Variants in KCNB2 observed in about 807,000 individuals in gnomAD.
KCNB2 encodes delayed rectifier potassium channel protein.
A neutral mutation model predicts 61.5 loss-of-function variants in KCNB2; 15 were observed. The observed-to-expected ratio is 0.24, with a 90% CI of 0.16 to 0.38. KCNB2 has a LOEUF of 0.38. Ranked by LOEUF, KCNB2 falls within the 10% of genes least tolerant of loss-of-function variation. KCNB2 has a pLI of 1.00. For missense variants in KCNB2, 828 were observed against 1,125.2 expected, an observed-to-expected ratio of 0.74 and a Z score of 3.78; for synonymous variants, 457 against 446.0, an observed-to-expected ratio of 1.02 and a Z score of -0.31.
intron 2 of KCNB2, among the ~76,000 whole-genome samples, chr8:72,818,169 A>T (rs1449823379): frequency 6.6e-6 from 1 of 152,172 alleles, no homozygotes; most frequent in East Asian, 1.9e-4. Context: ...ATCCTCCAAC[A>T]ACAACAACAA....
chr8:72,564,220 G>A (rs1806587807), intron 1 of KCNB2, among the ~76,000 whole-genome samples: 6 of 152,104 alleles, frequency 3.9e-5, no homozygotes, highest in Admixed American at 3.3e-4. Context: ...CCTTACCAGT[G>A]ACTATGATAT....
chr8:72,752,865 C>G (rs1237860488), intron 2 of KCNB2, among the ~76,000 whole-genome samples: 1 of 152,178 alleles, frequency 6.6e-6, no homozygotes, highest in African/African-American at 2.4e-5. Context: ...TCAGGTTCTT[C>G]CAAGACACTG....
intron 2 of KCNB2, among the ~76,000 whole-genome samples, chr8:72,903,643 AGT>A (rs1806123796): frequency 6.6e-6 from 1 of 152,164 alleles, no homozygotes; most frequent in African/African-American, 2.4e-5. Flanking sequence ...CTGGCCAGAG[AGT>A]GAGGTTCAAG....
intron 2 of KCNB2, among the ~76,000 whole-genome samples, chr8:72,714,685 G>A (rs1038120921): frequency 3.9e-5 from 6 of 152,060 alleles, no homozygotes; most frequent in Non-Finnish European, 8.8e-5. Flanking sequence ...AGGAACAACC[G>A]GTACCAGCCA....
chr8:72,619,395 T>G (rs1161080145), intron 2 of KCNB2: 1 of 468,670 alleles, frequency 2.1e-6, no homozygotes, highest in African/African-American at 2.0e-5. Flanking sequence ...TCAAGTCATG[T>G]ATTACCAGGT....
chr8:72,710,312 C>A (rs890855572), intron 2 of KCNB2, among the ~76,000 whole-genome samples: 2 of 152,116 alleles, frequency 1.3e-5, no homozygotes, highest in Non-Finnish European at 2.9e-5. Context: ...TAATACTTTG[C>A]AATTCTACTT....
At chr8:72,633,164 G>A (rs1004818876) in intron 2 of KCNB2, among the ~76,000 whole-genome samples, 2 of 152,120 alleles carry the variant, frequency 1.3e-5, no homozygotes, top group African/African-American at 4.8e-5. Context: ...AGAGGAGCTG[G>A]TTTCTGCCAA....
At chr8:72,618,442 A>C in intron 2 of KCNB2, among the ~76,000 whole-genome samples, 1 of 152,340 alleles carries the variant, frequency 6.6e-6, no homozygotes, top group Admixed American at 6.5e-5. Flanking sequence ...ATAAACATAA[A>C]TTTTTATTAT....
chr8:72,806,234 T>C (rs1045451968), intron 2 of KCNB2, among the ~76,000 whole-genome samples: 2 of 151,500 alleles, frequency 1.3e-5, no homozygotes, highest in African/African-American at 4.9e-5. Flanking sequence ...GGTGCGTGCC[T>C]GTAATCCCAG....
chr8:72,714,806 A>G (rs1807398422), intron 2 of KCNB2, among the ~76,000 whole-genome samples: 1 of 152,164 alleles, frequency 6.6e-6, no homozygotes. Context: ...ATTCACACAT[A>G]ACAATACTAA....
chr8:72,844,188 C>T (rs188297777), intron 2 of KCNB2, among the ~76,000 whole-genome samples: 71 of 152,264 alleles, frequency 4.7e-4, no homozygotes, highest in Non-Finnish European at 1.3e-4. Flanking sequence ...ATTTCTCCTT[C>T]GCTTATGAAG....
intron 2 of KCNB2, among the ~76,000 whole-genome samples, chr8:72,656,070 C>T (rs1304195279): frequency 6.6e-6 from 1 of 152,136 alleles, no homozygotes; most frequent in Admixed American, 6.6e-5. Flanking sequence ...CATGCCAAAG[C>T]ACAGAGGCAA....
At chr8:72,623,880 C>T (rs1009938477) in intron 2 of KCNB2, among the ~76,000 whole-genome samples, 6 of 152,200 alleles carry the variant, frequency 3.9e-5, no homozygotes, top group African/African-American at 1.4e-4. Flanking sequence ...AAGACAGGCT[C>T]TCATTGGTAC....
At chr8:72,543,809 G>T (rs1020602278) in intron 1 of KCNB2, among the ~76,000 whole-genome samples, 1 of 152,148 alleles carries the variant, frequency 6.6e-6, no homozygotes, top group Non-Finnish European at 1.5e-5. Context: ...CACTCAAAAG[G>T]ATCATATTCC....
intron 2 of KCNB2, among the ~76,000 whole-genome samples, chr8:72,739,464 G>C (rs983079384): frequency 1.3e-5 from 2 of 151,946 alleles, no homozygotes; most frequent in Admixed American, 6.6e-5. Context: ...AAACAAATTG[G>C]AGGGCACAAA....
At chr8:72,653,734 A>G (rs1806246615) in intron 2 of KCNB2, among the ~76,000 whole-genome samples, 1 of 152,206 alleles carries the variant, frequency 6.6e-6, no homozygotes, top group Admixed American at 6.6e-5. Context: ...TCGTCATGAC[A>G]GAGACCATAT....
chr8:72,708,985 T>C (rs116583164), intron 2 of KCNB2, among the ~76,000 whole-genome samples: 1,711 of 152,306 alleles, frequency 0.011, 33 homozygotes, highest in African/African-American at 0.039. Context: ...AACATGTAAC[T>C]TGGCTATATA....
chr8:72,698,448 T>C (rs1807055364), intron 2 of KCNB2, among the ~76,000 whole-genome samples: 1 of 152,158 alleles, frequency 6.6e-6, no homozygotes. Context: ...CAAAGCAATC[T>C]ACAGATTCAA....
rs78742950 is a variant in KCNB2 at position 72,608,432 on chromosome 8, G to A, written c.579+40119G>A. Among the ~76,000 whole-genome samples, 905 of 152,268 alleles carry A rather than the reference G, an allele frequency of 5.9e-3. 4 individuals are homozygous for A. Among genetic ancestry groups the A allele is most frequent in the African/African-American group, 0.021 (857 of 41,546 alleles). ...TTACTCTAGCCCCTGTTTGGAAAGT[G>A]GAGTCTAGGGTAGCAAGAGGGGAAA... On this transcript the variant is annotated intron_variant, in intron 2 of 2. Coordinates refer to ENST00000523207, the MANE Select transcript of KCNB2 (RefSeq NM_004770.3).
Sources: allele counts gnomAD v4.1 joint callset (sites outside exome capture counted in the v4.1 genomes callset), GRCh38; gene constraint gnomAD v4.1.1; transcripts MANE v1.5; gene names NCBI Gene and HGNC (gene_info 2026-07-23, HGNC 2026-07-21).